The following DMXL2 variants were observed in gnomAD, a reference collection of about 807,000 sequenced individuals.
The protein encoded by DMXL2 is Dmx like 2.
DMXL2 carries 103 observed loss-of-function variants against 331.1 expected under a neutral mutation model. The observed-to-expected ratio is 0.31, with a 90% CI of 0.27 to 0.37. The LOEUF is 0.37. DMXL2 is among the 10% of genes least tolerant of loss of function. The pLI is 1.00. For synonymous variants in DMXL2, 1,281 were observed against 1,252.1 expected (o/e 1.02, Z -0.49); for missense variants, 3,171 against 3,642.9 (o/e 0.87, Z 3.33).
At position 51,503,050 on chromosome 15, in the gene DMXL2, T is replaced by C; in HGVS notation, c.2765-17A>G. On this transcript the variant is annotated splice_polypyrimidine_tract_variant and intron_variant, in intron 16 of 43. Coordinates refer to ENST00000560891, the MANE Select transcript of DMXL2 (RefSeq NM_001378457.1). ...AAGCTTTAGCTTTAAAAATAAATTA[T>C]AAAATTACAAAATGTATGTATATCA... is the stretch of plus-strand genomic sequence containing the variant. The C allele has an allele frequency of 6.6e-7, 1 of 1,517,734 alleles. No individual in the cohort carries two copies. Among genetic ancestry groups the C allele is most frequent in the Non-Finnish European group, 9.0e-7 (1 of 1,108,148 alleles). The allele number at this position is 1,517,734 out of a possible 1,614,324, so 94.0% of individuals were successfully genotyped here. A position where few individuals can be genotyped will look rare whatever the true frequency, so the allele number is the denominator to read the frequency against.
chr15:51,483,549 TC>T (rs1417600718), intron 23 of DMXL2, among the ~76,000 whole-genome samples: 1 of 151,586 alleles, frequency 6.6e-6, no homozygotes, highest in East Asian at 1.9e-4. Context: ...ATACATACCC[TC>T]CCCCAAATGG....
intron 32 of DMXL2, among the ~76,000 whole-genome samples, chr15:51,463,813 T>A (rs1348053600): frequency 6.6e-6 from 1 of 152,158 alleles, no homozygotes; most frequent in East Asian, 1.9e-4. Flanking sequence ...GTTCTCTTGG[T>A]TAAAGCATAT....
At chr15:51,460,721 T>C (rs1410399112) in intron 33 of DMXL2, 1 of 152,212 alleles carries the variant, frequency 6.6e-6, no homozygotes, top group Non-Finnish European at 1.5e-5. Context: ...GTAAGCACTC[T>C]TACTGGATTG....
chr15:51,594,441 A>G (rs1217243718), intron 1 of DMXL2, among the ~76,000 whole-genome samples: 2 of 152,190 alleles, frequency 1.3e-5, no homozygotes, highest in African/African-American at 4.8e-5. Context: ...CCAACCAAAA[A>G]AATCCAGGAC....
At chr15:51,503,523 G>A (rs1031994418) in intron 16 of DMXL2, among the ~76,000 whole-genome samples, 2 of 152,120 alleles carry the variant, frequency 1.3e-5, no homozygotes, top group Non-Finnish European at 2.9e-5. Flanking sequence ...AGCTAAGAAA[G>A]TGGATCTCAT....
intron 13 of DMXL2, among the ~76,000 whole-genome samples, chr15:51,528,610 CACCCAGAT>C (rs1395286643): frequency 6.6e-6 from 1 of 152,104 alleles, no homozygotes. Flanking sequence ...AACACTGGGG[CACCCAGAT>C]ATATCAAGCA....
At chr15:51,463,936 C>G (rs2040346286) in intron 32 of DMXL2, among the ~76,000 whole-genome samples, 4 of 145,028 alleles carry the variant, frequency 2.8e-5, no homozygotes, top group Admixed American at 2.8e-4. Context: ...TCCACTACCT[C>G]AAAAAAAAAA....
chr15:51,542,278 C>T, intron 9 of DMXL2, 55 bp downstream of exon 9: 1 of 1,522,292 alleles, frequency 6.6e-7, no homozygotes, highest in African/African-American at 1.4e-5. Context: ...TTCCACTTTT[C>T]TATTTATTTA....
intron 16 of DMXL2, among the ~76,000 whole-genome samples, chr15:51,506,682 T>C (rs1596047444): frequency 6.6e-6 from 1 of 152,106 alleles, no homozygotes; most frequent in Non-Finnish European, 1.5e-5. Context: ...CTCGATCTCC[T>C]GACCTCGTGA....
chr15:51,534,972 AC>A (rs2048205940), intron 13 of DMXL2, among the ~76,000 whole-genome samples: 1 of 152,170 alleles, frequency 6.6e-6, no homozygotes, highest in Non-Finnish European at 1.5e-5. Flanking sequence ...TTAAACTGCT[AC>A]TTAACTTTTT....
chr15:51,611,657 G>A (rs1595753192), intron 1 of DMXL2, among the ~76,000 whole-genome samples: 1 of 152,172 alleles, frequency 6.6e-6, no homozygotes, highest in African/African-American at 2.4e-5. Flanking sequence ...TAACTAGGTG[G>A]CCTTCATTAA....
intron 6 of DMXL2, among the ~76,000 whole-genome samples, chr15:51,557,763 A>G (rs1258250485): frequency 6.6e-6 from 1 of 152,264 alleles, no homozygotes; most frequent in Non-Finnish European, 1.5e-5. Flanking sequence ...GTAATGCAGA[A>G]CAATGAAGAA....
intron 1 of DMXL2, 128 bp downstream of exon 1, chr15:51,622,331 A>T: frequency 7.9e-7 from 1 of 1,265,960 alleles, no homozygotes; most frequent in Non-Finnish European, 1.1e-6. Context: ...CAAGGCTGCA[A>T]AGGGGCCACG....
chr15:51,559,408 G>C (rs2141014405), intron 6 of DMXL2, among the ~76,000 whole-genome samples: 1 of 152,220 alleles, frequency 6.6e-6, no homozygotes, highest in Non-Finnish European at 1.5e-5. Context: ...AATAATCAGG[G>C]AAATGCACTT....
chr15:51,593,773 G>A (rs563409201), intron 1 of DMXL2, among the ~76,000 whole-genome samples: 4 of 152,120 alleles, frequency 2.6e-5, no homozygotes, highest in Non-Finnish European at 4.4e-5. Context: ...ACTCAAAACC[G>A]CTCAACTACA....
chr15:51,478,174 G>T (rs973636260), intron 26 of DMXL2, 97 bp downstream of exon 26: 26 of 871,394 alleles, frequency 3.0e-5, no homozygotes, highest in Non-Finnish European at 4.2e-5. Flanking sequence ...TCATATTTAG[G>T]GATTTTTCAG....
At chr15:51,595,518 T>A (rs1300671782) in intron 1 of DMXL2, among the ~76,000 whole-genome samples, 1 of 152,206 alleles carries the variant, frequency 6.6e-6, no homozygotes, top group Non-Finnish European at 1.5e-5. Flanking sequence ...ATAGATTCAA[T>A]GCCATCCATC....
chr15:51,583,150 A>G (rs1388665020), intron 1 of DMXL2, among the ~76,000 whole-genome samples: 7 of 115,832 alleles, frequency 6.0e-5, no homozygotes, highest in Non-Finnish European at 8.6e-5. Context: ...TTATACTCTA[A>G]GTTTTAGGGT....
At chr15:51,606,021 AAACTG>A (rs1179410707) in intron 1 of DMXL2, among the ~76,000 whole-genome samples, 2 of 152,218 alleles carry the variant, frequency 1.3e-5, no homozygotes, top group Admixed American at 1.3e-4. Context: ...AGTGAGGGTA[AAACTG>A]AGCTGCATTT....
Sources: gnomAD v4.1 joint callset for allele counts (sites outside exome capture counted in the v4.1 genomes callset) on GRCh38, gnomAD v4.1.1 for gene constraint, MANE v1.5 for transcripts, NCBI Gene and HGNC (gene_info 2026-07-23, HGNC 2026-07-21) for gene names.